Variants in RAB39A observed in about 807,000 individuals in gnomAD.
RAB39A encodes RAB39A, member RAS oncogene family.
Under a neutral mutation model 20.9 loss-of-function variants are expected in RAB39A, and 17 were observed. The ratio of observed to expected loss-of-function variants is 0.81; its 90% CI spans 0.56 to 1.22. RAB39A has a LOEUF of 1.22. Ranked by LOEUF, RAB39A falls within the 50% of genes most tolerant of loss-of-function variation. The pLI is 0.00. For missense variants in RAB39A, 234 were observed against 270.5 expected, an observed-to-expected ratio of 0.87 and a Z score of 0.95; for synonymous variants, 99 against 103.4, an observed-to-expected ratio of 0.96 and a Z score of 0.26.
At chr11:107,951,224 G>A (rs1861375612) in intron 1 of RAB39A, among the ~76,000 whole-genome samples, 2 of 152,206 alleles carry the variant, frequency 1.3e-5, no homozygotes, top group African/African-American at 2.4e-5. Context: ...AAAGGAGTAG[G>A]GAGGCTTGTG....
At chr11:107,952,530 G>A (rs752637929) in intron 1 of RAB39A, among the ~76,000 whole-genome samples, 4 of 151,962 alleles carry the variant, frequency 2.6e-5, no homozygotes, top group East Asian at 1.9e-4. Flanking sequence ...GCAGTAAGCC[G>A]AGACCGTGCC....
chr11:107,957,429 C>T (rs967025873), intron 1 of RAB39A, among the ~76,000 whole-genome samples: 16 of 152,104 alleles, frequency 1.1e-4, no homozygotes, highest in Non-Finnish European at 7.4e-5. Context: ...GAATGGGCAA[C>T]GTGAGTGTGC....
chr11:107,939,078 C>T (rs1861231348), intron 1 of RAB39A, among the ~76,000 whole-genome samples: 1 of 151,102 alleles, frequency 6.6e-6, no homozygotes, highest in Non-Finnish European at 1.5e-5. Flanking sequence ...CCCGTCCCTA[C>T]TAAAAATAGA....
At chr11:107,943,135 C>T (rs757762754) in intron 1 of RAB39A, among the ~76,000 whole-genome samples, 1 of 152,096 alleles carries the variant, frequency 6.6e-6, no homozygotes, top group Admixed American at 6.6e-5. Flanking sequence ...AAATGGTTAG[C>T]CTTGTTAGAT....
At chr11:107,956,128 A>G (rs1392622305) in intron 1 of RAB39A, among the ~76,000 whole-genome samples, 1 of 152,222 alleles carries the variant, frequency 6.6e-6, no homozygotes, top group East Asian at 1.9e-4. Context: ...GTGTGAGAAC[A>G]TAAGACCACA....
chr11:107,940,406 G>A (rs1435050841), intron 1 of RAB39A, among the ~76,000 whole-genome samples: 1 of 151,894 alleles, frequency 6.6e-6, no homozygotes, highest in Admixed American at 6.6e-5. Flanking sequence ...TGGGACTACA[G>A]GCGCACGCCA....
intron 1 of RAB39A, among the ~76,000 whole-genome samples, chr11:107,940,225 TATC>T (rs1214509359): frequency 6.6e-6 from 1 of 152,074 alleles, no homozygotes; most frequent in Non-Finnish European, 1.5e-5. Flanking sequence ...CACCAGGGAA[TATC>T]ATCGGATATA....
At position 107,946,454 on chromosome 11, in the gene RAB39A, ATATATATTTTT is replaced by A. The variant is rs1565464310; in HGVS notation, c.228-15490_228-15480del. ...TGTGTGTGTATATATATATATATAT[ATATATATTTTT>A]TTTTTTTTTTTTTTTTTTTTTTTTT... On this transcript the variant is annotated intron_variant, in intron 1 of 1. Transcript: ENST00000320578. Among the ~76,000 whole-genome samples, 537 of 61,856 alleles carry A rather than the reference ATATATATTTTT, an allele frequency of 8.7e-3. 12 individuals carry two copies. Among genetic ancestry groups the A allele is most frequent in the Non-Finnish European group, 0.013 (436 of 32,568 alleles). 40.6% of individuals were successfully genotyped at this position (61,856 alleles called of 152,430 possible).
chr11:107,951,680 C>T lies in RAB39A; in HGVS notation c.228-10266C>T, dbSNP rs74440096. On this transcript the variant is annotated intron_variant, in intron 1 of 1. Transcript: ENST00000320578. The stretch of plus-strand genomic sequence containing the variant: ...TGTCACCAACGCTGAAATTCAGTGG[C>T]GCAGTCATAGTTCACTGCAGCCTTG... 8.1e-3 allele frequency among the ~76,000 whole-genome samples: 1,036 copies of T among 128,224 alleles called. 9 individuals are homozygous for T. Among genetic ancestry groups the T allele is most frequent in the African/African-American group, 0.029 (993 of 33,672 alleles). 84.1% of individuals were successfully genotyped at this position (128,224 alleles called of 152,430 possible). A position where few individuals can be genotyped will look rare whatever the true frequency, so the allele number is the denominator to read the frequency against.
chr11:107,957,827 C>T (rs1861452847), intron 1 of RAB39A, among the ~76,000 whole-genome samples: 1 of 152,144 alleles, frequency 6.6e-6, no homozygotes, highest in African/African-American at 2.4e-5. Context: ...TTCTTTTCTT[C>T]CCTCCATTCC....
At chr11:107,946,414 GTGTGTGTGTGTGTGTGTGTGTGTATA>G (rs1404061789) in intron 1 of RAB39A, among the ~76,000 whole-genome samples, 2 of 12,216 alleles carry the variant, frequency 1.6e-4, no homozygotes, top group Non-Finnish European at 4.2e-4. Flanking sequence ...GTGTGTGTGT[GTGTGTGTGTGTGTGTGTGTGTGTATA>G]TATATATATA....
rs1350938827 is a variant in RAB39A, at chr11:107,962,991, A to G, written c.*619A>G. The G allele has an allele frequency of 6.6e-6, 1 of 152,174 alleles. No homozygotes were observed. The highest frequency in any genetic ancestry group is 2.4e-5 in the African/African-American group (1 of 41,436). The allele number at this position is 152,174 out of a possible 1,614,324, so 9.4% of individuals were successfully genotyped here. On this transcript the variant is annotated 3_prime_UTR_variant, in exon 2 of 2. Coordinates refer to ENST00000320578, the MANE Select transcript of RAB39A (RefSeq NM_017516.3). ...TGCATTATGTTTTACAAAGATATCT[A>G]AGGATCCAAGCAAACTACTTTAAGC...
At position 107,945,613 on chromosome 11, in the gene RAB39A, C is replaced by G. The variant is rs368165265; in HGVS notation, c.228-16333C>G. ...CCCAATGTATACTGTTGAATCCCCC[C>G]CTCCAAGGACTTGGGAAATGGTGAC... On this transcript the variant is annotated intron_variant, in intron 1 of 1. Transcript: ENST00000320578. 1.1e-3 allele frequency among the ~76,000 whole-genome samples: 169 copies of G among 152,228 alleles called. 1 individual carries two copies. The highest frequency in any genetic ancestry group is 4.0e-3 in the African/African-American group (164 of 41,510).
intron 1 of RAB39A, 113 bp from the exon 2 acceptor site, chr11:107,961,833 C>G: frequency 1.2e-6 from 1 of 846,412 alleles, no homozygotes; most frequent in Non-Finnish European, 1.8e-6. Context: ...TTTATAAATT[C>G]TAGTTAAATC....
At chr11:107,944,382 A>G (rs1861289360) in intron 1 of RAB39A, among the ~76,000 whole-genome samples, 1 of 150,846 alleles carries the variant, frequency 6.6e-6, no homozygotes, top group African/African-American at 2.4e-5. Context: ...GTCAGCTAAA[A>G]CTCCTGGAGG....
At chr11:107,961,222 G>T (rs992095816) in intron 1 of RAB39A, among the ~76,000 whole-genome samples, 3 of 152,158 alleles carry the variant, frequency 2.0e-5, no homozygotes, top group Non-Finnish European at 4.4e-5. Context: ...GGAAGTGGAT[G>T]ATCAGGGAGA....
chr11:107,946,726 G>A lies in RAB39A; in HGVS notation c.228-15220G>A, dbSNP rs61498277. On this transcript the variant is annotated intron_variant, in intron 1 of 1. Transcript: ENST00000320578. ...CCTGACCTCATGATCCGCCCACCTC[G>A]GCCTCCCAAGGTGCTGAGATTACAG... is the stretch of plus-strand genomic sequence containing the variant. Among the ~76,000 whole-genome samples the A allele has an allele frequency of 6.0e-5, 9 of 150,746 alleles. No individual in the cohort carries two copies. In the East Asian group the frequency reaches 1.6e-3, roughly 27 times the overall value.
At chr11:107,942,303 G>A (rs1459527467) in intron 1 of RAB39A, among the ~76,000 whole-genome samples, 2 of 152,152 alleles carry the variant, frequency 1.3e-5, no homozygotes, top group African/African-American at 2.4e-5. Context: ...GGTCAACCAC[G>A]CTGTGGTCAA....
At position 107,928,841 on chromosome 11, in the gene RAB39A, G is replaced by T. The variant is rs1436292766; in HGVS notation, c.227+46G>T. 6.3e-6 allele frequency: 9 copies of T among 1,422,566 alleles called. No individual in the cohort carries two copies. The highest frequency in any genetic ancestry group is 2.8e-5 in the South Asian group (2 of 71,568). The allele number at this position is 1,422,566 out of a possible 1,614,324, so 88.1% of individuals were successfully genotyped here. ...GGGCACCGCGCCGCCCCCTCAGCCCGCCCGGACGCCCCTTCCCCAGGCGTC... is the reference window on the plus strand; with the variant it reads ...GGGCACCGCGCCGCCCCCTCAGCCCTCCCGGACGCCCCTTCCCCAGGCGTC... On this transcript the variant is annotated intron_variant, in intron 1 of 1. Transcript: ENST00000320578. This position sits in a 1 kb window ranked among gnomAD's most constrained non-coding sequence, Gnocchi z 4.9.
Sources: gnomAD v4.1 joint callset for allele counts (sites outside exome capture counted in the v4.1 genomes callset) on GRCh38, gnomAD v4.1.1 for gene constraint, Gnocchi (gnomAD v3.1) non-coding constraint, MANE v1.5 for transcripts, NCBI Gene and HGNC (gene_info 2026-07-23, HGNC 2026-07-21) for gene names.